MYO1E: variants seen among roughly 807,000 people sequenced by gnomAD.
MYO1E encodes the protein unconventional myosin-Ie.
A neutral mutation model predicts 151.1 loss-of-function variants in MYO1E; 68 were observed. That is an observed-to-expected ratio of 0.45 (90% CI 0.37 to 0.55). MYO1E has a LOEUF of 0.55. MYO1E is among the 20% of genes least tolerant of loss of function. The pLI, the probability that MYO1E is intolerant of heterozygous loss-of-function variation, is 0.00. For synonymous variants in MYO1E, 601 were observed against 501.7 expected, an observed-to-expected ratio of 1.20 and a Z score of -2.64; for missense variants, 1,363 against 1,389.3, an observed-to-expected ratio of 0.98 and a Z score of 0.30.
intron 1 of MYO1E, among the ~76,000 whole-genome samples, chr15:59,339,462 A>G (rs192019498): frequency 6.6e-6 from 1 of 152,266 alleles, no homozygotes; most frequent in Admixed American, 6.5e-5. Flanking sequence ...GTATTTCTCA[A>G]CTTCACTACC....
At chr15:59,276,310 C>G (rs1445154074) in intron 1 of MYO1E, among the ~76,000 whole-genome samples, 4 of 152,112 alleles carry the variant, frequency 2.6e-5, no homozygotes, top group Non-Finnish European at 5.9e-5. Flanking sequence ...GAGTAATTCC[C>G]TTTTGCTCCC....
intron 1 of MYO1E, among the ~76,000 whole-genome samples, chr15:59,277,553 A>AC (rs879924963): frequency 0.045 from 3,625 of 80,388 alleles, 90 homozygotes; most frequent in Middle Eastern, 0.078. Flanking sequence ...CCCCACAAAA[A>AC]AAAAAAAAAA....
At chr15:59,340,027 T>TGTA (rs2080755531) in intron 1 of MYO1E, among the ~76,000 whole-genome samples, 1 of 152,112 alleles carries the variant, frequency 6.6e-6, no homozygotes, top group Non-Finnish European at 1.5e-5. Context: ...TTTTTGTTGT[T>TGTA]GTATTTTTAG....
At chr15:59,293,598 T>C (rs1281495490) in intron 1 of MYO1E, among the ~76,000 whole-genome samples, 1 of 151,604 alleles carries the variant, frequency 6.6e-6, no homozygotes, top group Non-Finnish European at 1.5e-5. Flanking sequence ...AAAATATGTA[T>C]AAAGCTAATG....
intron 16 of MYO1E, among the ~76,000 whole-genome samples, chr15:59,198,672 T>G (rs1280096663): frequency 6.6e-6 from 1 of 151,634 alleles, no homozygotes; most frequent in Admixed American, 6.6e-5. Context: ...TACCAAAAAA[T>G]TAGCTGAGCA....
intron 1 of MYO1E, among the ~76,000 whole-genome samples, chr15:59,357,426 CTTT>C (rs532794951): frequency 2.9e-5 from 4 of 137,048 alleles, no homozygotes; most frequent in Non-Finnish European, 3.2e-5. Context: ...AAGGAGATAA[CTTT>C]TTTTTTTTTT....
chr15:59,254,380 GGGTT>G (rs1414767304), intron 4 of MYO1E, among the ~76,000 whole-genome samples: 2 of 152,140 alleles, frequency 1.3e-5, no homozygotes, highest in Non-Finnish European at 2.9e-5. Context: ...TATGGAGACA[GGGTT>G]TGCTATGTTG....
At chr15:59,337,629 G>A (rs1395331254) in intron 1 of MYO1E, among the ~76,000 whole-genome samples, 1 of 152,126 alleles carries the variant, frequency 6.6e-6, no homozygotes. Context: ...TCAAGAGTTC[G>A]AAACCAGCCT....
rs2079360048 is a variant in MYO1E at position 59,134,326 on chromosome 15, C to G, written c.*3054G>C. The G allele has an allele frequency of 6.6e-6, 1 of 152,214 alleles. No homozygotes were observed. Among genetic ancestry groups the G allele is most frequent in the South Asian group, 2.1e-4 (1 of 4,830 alleles). 9.4% of individuals were successfully genotyped at this position (152,214 alleles called of 1,614,324 possible). The stretch of plus-strand genomic sequence containing the variant: ...CAAGCTTATTCAAGAAGGCTTCACC[C>G]TTTGTCCTCTCCACATGTCTCTGTA... On this transcript the variant is annotated 3_prime_UTR_variant, in exon 28 of 28. Transcript: ENST00000288235.
intron 26 of MYO1E, among the ~76,000 whole-genome samples, chr15:59,144,486 AG>A (rs1404550816): frequency 1.3e-5 from 2 of 151,644 alleles, no homozygotes; most frequent in African/African-American, 4.8e-5. Flanking sequence ...TTAGAGATGA[AG>A]TTTTGCCATG....
In MYO1E at chr15:59,268,720, A is replaced by ATTTTTTTTTTTTTTTTTT. The variant is rs398027512; in HGVS notation, c.147+3568_147+3585dup. 7.1e-3 allele frequency among the ~76,000 whole-genome samples: 320 copies of ATTTTTTTTTTTTTTTTTT among 44,898 alleles called. 100 individuals are homozygous for ATTTTTTTTTTTTTTTTTT. The highest frequency in any genetic ancestry group is 9.1e-3 in the African/African-American group (156 of 17,234). 29.5% of individuals were successfully genotyped at this position (44,898 alleles called of 152,430 possible). A position where few individuals can be genotyped will look rare whatever the true frequency, so the allele number is the denominator to read the frequency against. On this transcript the variant is annotated intron_variant, in intron 2 of 27. Transcript: ENST00000288235. ...GTGATGGGTTCTGGGTGACTTTGGT[A>ATTTTTTTTTTTTTTTTTT]TTTTTTTTTTTTTTTTTTTTTGCTT...
intron 10 of MYO1E, among the ~76,000 whole-genome samples, chr15:59,216,685 TACACATACACACAC>T (rs1465282274): frequency 3.9e-4 from 15 of 38,636 alleles, no homozygotes; most frequent in African/African-American, 1.2e-3. Context: ...TATATATATA[TACACATACACACAC>T]ACACACACAC....
chr15:59,193,667 A>G (rs1330894539), intron 17 of MYO1E, among the ~76,000 whole-genome samples: 1 of 152,212 alleles, frequency 6.6e-6, no homozygotes, highest in East Asian at 1.9e-4. Flanking sequence ...CAAAGTAATG[A>G]GAATGATTCT....
intron 3 of MYO1E, among the ~76,000 whole-genome samples, chr15:59,258,292 A>G (rs1244146446): frequency 1.3e-5 from 2 of 152,264 alleles, no homozygotes; most frequent in African/African-American, 4.8e-5. Context: ...GGTTGCAGTG[A>G]GCTGAGATTG....
chr15:59,313,524 C>G lies in MYO1E; in HGVS notation c.4-41075G>C, dbSNP rs142494297. On this transcript the variant is annotated intron_variant, in intron 1 of 27. Transcript: ENST00000288235. ...CCCCGCCCCACCTCCAACACTCCATCATCTTTCAGTGATCATTCTGTGGCA... is the reference window on the plus strand; with the variant it reads ...CCCCGCCCCACCTCCAACACTCCATGATCTTTCAGTGATCATTCTGTGGCA... 4.0e-5 allele frequency among the ~76,000 whole-genome samples: 6 copies of G among 149,476 alleles called. No homozygotes were observed. The East Asian group carries it at 1.2e-3, about 30-fold the overall frequency.
chr15:59,241,101 C>T (rs2080096913), intron 4 of MYO1E, among the ~76,000 whole-genome samples: 1 of 152,166 alleles, frequency 6.6e-6, no homozygotes, highest in Admixed American at 6.5e-5. Context: ...ATCAAATCAG[C>T]CAGGTGTGTT....
intron 26 of MYO1E, among the ~76,000 whole-genome samples, chr15:59,139,416 C>T (rs1418775385): frequency 4.8e-5 from 7 of 146,342 alleles, no homozygotes; most frequent in South Asian, 2.2e-4. Flanking sequence ...ATTATTACTC[C>T]TCACACTTCC....
chr15:59,257,006 CG>C (rs2080197684), intron 3 of MYO1E, among the ~76,000 whole-genome samples: 1 of 152,136 alleles, frequency 6.6e-6, no homozygotes, highest in Non-Finnish European at 1.5e-5. Flanking sequence ...AATCCTACCA[CG>C]CTAAGATATT....
chr15:59,147,990 T>C (rs73420814), intron 26 of MYO1E, among the ~76,000 whole-genome samples: 144 of 152,280 alleles, frequency 9.5e-4, no homozygotes, highest in African/African-American at 3.1e-3. Context: ...CTTTCAACCC[T>C]GGTAGAGCAT....
Sources: allele counts gnomAD v4.1 joint callset (sites outside exome capture counted in the v4.1 genomes callset), GRCh38; gene constraint gnomAD v4.1.1; transcripts MANE v1.5; gene names NCBI Gene and HGNC (gene_info 2026-07-23, HGNC 2026-07-21).